The following KDM3B variants were observed in gnomAD, a reference collection of about 807,000 sequenced individuals.
KDM3B encodes lysine demethylase 3B.
In KDM3B, 10 loss-of-function variants were observed where a neutral mutation model predicts 170.0. The observed-to-expected ratio is 0.06, with a 90% CI of 0.04 to 0.10. The LOEUF (loss-of-function observed/expected upper bound fraction) is 0.10, where lower values mean the gene tolerates loss of function less well. Among genes scored for constraint, KDM3B ranks in the 10% least tolerant of loss-of-function variants. The pLI is 1.00. For missense variants in KDM3B, 1,394 were observed against 2,195.2 expected, an observed-to-expected ratio of 0.64 and a Z score of 7.29; for synonymous variants, 831 against 834.8, an observed-to-expected ratio of 1.00 and a Z score of 0.08.
intron 1 of KDM3B, among the ~76,000 whole-genome samples, chr5:138,361,213 C>G (rs1197659521): frequency 6.6e-6 from 1 of 152,154 alleles, no homozygotes; most frequent in Non-Finnish European, 1.5e-5. Flanking sequence ...TTCCACTGTA[C>G]CATCCCTACT....
At chr5:138,413,254 G>A (rs979956546) in intron 11 of KDM3B, among the ~76,000 whole-genome samples, 1 of 151,864 alleles carries the variant, frequency 6.6e-6, no homozygotes, top group Non-Finnish European at 1.5e-5. Context: ...ATAGTGGCAC[G>A]CACTTGTAGT....
chr5:138,424,069 T>C lies in KDM3B; in HGVS notation c.3973-6T>C. 1 of 1,533,236 alleles carries C rather than the reference T, an allele frequency of 6.5e-7. No homozygotes were observed. The highest frequency in any genetic ancestry group is 8.8e-7 in the Non-Finnish European group (1 of 1,138,504). The allele number at this position is 1,533,236 out of a possible 1,614,324, so 95.0% of individuals were successfully genotyped here. A position where few individuals can be genotyped will look rare whatever the true frequency, so the allele number is the denominator to read the frequency against. On this transcript the variant is annotated splice_polypyrimidine_tract_variant and splice_region_variant and intron_variant, in intron 15 of 23. Coordinates refer to ENST00000314358, the MANE Select transcript of KDM3B (RefSeq NM_016604.4). ...CAAGCTTACCTGGTGGATTTGTGTC[T>C]GGCAGGGAGTGAAGAGCAAGGCCAG...
At chr5:138,421,583 T>C (rs2126995255) in intron 15 of KDM3B, among the ~76,000 whole-genome samples, 1 of 152,336 alleles carries the variant, frequency 6.6e-6, no homozygotes, top group East Asian at 1.9e-4. Flanking sequence ...TGCAATAAAT[T>C]CCTTACAGGT....
intron 13 of KDM3B, 74 bp downstream of exon 13, chr5:138,417,684 T>G: frequency 1.4e-6 from 2 of 1,474,666 alleles, no homozygotes; most frequent in Middle Eastern, 1.8e-4. Flanking sequence ...CCTTTTCAAC[T>G]CTGTTATGCC....
chr5:138,405,232 TG>T (rs567663394), intron 11 of KDM3B, among the ~76,000 whole-genome samples: 30 of 151,660 alleles, frequency 2.0e-4, no homozygotes, highest in African/African-American at 7.0e-4. Context: ...TTAGTAGAGA[TG>T]GGGTTTCACT....
At chr5:138,390,684 C>T (rs1252128816) in intron 7 of KDM3B, among the ~76,000 whole-genome samples, 3 of 152,126 alleles carry the variant, frequency 2.0e-5, no homozygotes, top group Non-Finnish European at 4.4e-5. Flanking sequence ...CTTAGAGGAG[C>T]TCTTCACTTC....
At chr5:138,388,493 G>A (rs866611167) in intron 7 of KDM3B, among the ~76,000 whole-genome samples, 1 of 152,026 alleles carries the variant, frequency 6.6e-6, no homozygotes, top group East Asian at 1.9e-4. Flanking sequence ...TTAGCTGGGC[G>A]TGGTGGCAAG....
chr5:138,407,220 A>C (rs1762846595), intron 11 of KDM3B, among the ~76,000 whole-genome samples: 1 of 152,044 alleles, frequency 6.6e-6, no homozygotes, highest in African/African-American at 2.4e-5. Context: ...TCCTGACCTC[A>C]GGTGACCTGC....
chr5:138,426,327 C>T (rs1763390047), intron 17 of KDM3B, among the ~76,000 whole-genome samples: 1 of 152,142 alleles, frequency 6.6e-6, no homozygotes, highest in African/African-American at 2.4e-5. Context: ...GTAATCCCAG[C>T]ACTTTGGGAG....
At chr5:138,414,958 A>AAAATAAAT (rs148266134) in intron 11 of KDM3B, among the ~76,000 whole-genome samples, 174 bp from the exon 12 acceptor site, 2 of 152,038 alleles carry the variant, frequency 1.3e-5, no homozygotes, top group Non-Finnish European at 2.9e-5. Context: ...CCTTGTCTCA[A>AAAATAAAT]AAATAAATAA....
chr5:138,373,430 G>GT (rs1260499709), intron 2 of KDM3B, among the ~76,000 whole-genome samples: 4 of 151,370 alleles, frequency 2.6e-5, no homozygotes, highest in East Asian at 3.9e-4. Context: ...AACCTTTAAA[G>GT]TTTTTTTTTC....
At chr5:138,359,468 T>C in intron 1 of KDM3B, among the ~76,000 whole-genome samples, 1 of 85,948 alleles carries the variant, frequency 1.2e-5, no homozygotes, top group Admixed American at 1.5e-4. Flanking sequence ...CCCCCACCTT[T>C]TTTTTTTTTT....
At chr5:138,355,257 AG>A (rs1243566168) in intron 1 of KDM3B, among the ~76,000 whole-genome samples, 1 of 152,214 alleles carries the variant, frequency 6.6e-6, no homozygotes, top group Non-Finnish European at 1.5e-5. Context: ...TGAGTAATTG[AG>A]GGTTGGATGA....
rs527812468 is a variant in KDM3B, at chr5:138,398,955, C to G, written c.3046+563C>G. Among the ~76,000 whole-genome samples the G allele has an allele frequency of 2.4e-3, 340 of 140,122 alleles. 2 individuals carry two copies. The highest frequency in any genetic ancestry group is 8.6e-3 in the African/African-American group (327 of 37,840). The allele number at this position is 140,122 out of a possible 152,430, so 91.9% of individuals were successfully genotyped here. A position where few individuals can be genotyped will look rare whatever the true frequency, so the allele number is the denominator to read the frequency against. On this transcript the variant is annotated intron_variant, in intron 10 of 23. Coordinates refer to ENST00000314358, the MANE Select transcript of KDM3B (RefSeq NM_016604.4). ...CCAGGCTGGAGTGCAGTGGCACAATCTCGGCTCACTGCAACCTCCACCTCC... is the reference window on the plus strand; with the variant it reads ...CCAGGCTGGAGTGCAGTGGCACAATGTCGGCTCACTGCAACCTCCACCTCC...
chr5:138,354,647 C>T (rs1284277457), intron 1 of KDM3B, among the ~76,000 whole-genome samples: 1 of 152,156 alleles, frequency 6.6e-6, no homozygotes, highest in Non-Finnish European at 1.5e-5. Context: ...AGCTCACTTC[C>T]TTGCTGGACA....
chr5:138,420,938 C>G lies in KDM3B; in HGVS notation c.3948C>G (p.Pro1316=), dbSNP rs1165225629. The change falls in exon 15 of 24, where the codon CCC becomes CCG. Residue 1316 remains proline, a synonymous_variant. Transcript: ENST00000314358. ...QTPLDTGIPF[P]PVFSTSSAGV... The stretch of plus-strand genomic sequence containing the variant: ...CCTTGGACACAGGCATACCCTTTCC[C>G]CCGGTCTTCTCTACATCCTCAGCAG... 5 of 1,614,022 alleles carry G rather than the reference C, an allele frequency of 3.1e-6. No homozygotes were observed. The highest frequency in any genetic ancestry group is 3.4e-6 in the Non-Finnish European group (4 of 1,179,916).
At chr5:138,397,173 T>TACAAAA (rs1254132113) in intron 9 of KDM3B, among the ~76,000 whole-genome samples, 1 of 151,738 alleles carries the variant, frequency 6.6e-6, no homozygotes, top group Non-Finnish European at 1.5e-5. Context: ...CTACTAAAAA[T>TACAAAA]ACAAAAACAA....
At chr5:138,363,210 T>A (rs546901066) in intron 1 of KDM3B, among the ~76,000 whole-genome samples, 8 of 152,260 alleles carry the variant, frequency 5.3e-5, no homozygotes, top group African/African-American at 1.9e-4. Context: ...TCTCTTCTAT[T>A]CCCTGACCAC....
chr5:138,427,915 G>A, intron 19 of KDM3B, 52 bp from the exon 20 acceptor site: 2 of 1,574,628 alleles, frequency 1.3e-6, no homozygotes, highest in Non-Finnish European at 1.7e-6. Flanking sequence ...TGTCGACGTG[G>A]ATTCTTCCAA....
Sources: allele counts gnomAD v4.1 joint callset (sites outside exome capture counted in the v4.1 genomes callset), GRCh38; gene constraint gnomAD v4.1.1; transcripts MANE v1.5; gene names NCBI Gene and HGNC (gene_info 2026-07-23, HGNC 2026-07-21).